ABCA7: variants seen among roughly 807,000 people sequenced by gnomAD.
ABCA7 encodes the protein phospholipid-transporting ATPase ABCA7.
ABCA7 carries 261 observed loss-of-function variants against 227.6 expected under a neutral mutation model. That is an observed-to-expected ratio of 1.15 (90% CI 1.04 to 1.27). The LOEUF (loss-of-function observed/expected upper bound fraction) is 1.27. ABCA7 is among the 50% of genes most tolerant of loss of function. The probability of loss-of-function intolerance (pLI) is 0.00; values close to 1 mark genes in which losing one functional copy is unlikely to be tolerated. For synonymous variants in ABCA7, 1,488 were observed against 1,279.7 expected (o/e 1.16, Z -3.47); for missense variants, 3,331 against 2,924.5 (o/e 1.14, Z -3.21).
intron 1 of ABCA7, among the ~76,000 whole-genome samples, 153 bp downstream of exon 1, chr19:1,040,349 A>C (rs2039892686): frequency 6.6e-6 from 1 of 152,134 alleles, no homozygotes; most frequent in Non-Finnish European, 1.5e-5. Context: ...CTGATTCTCA[A>C]GGGGGGCATC....
Position 1,049,331 on chromosome 19 carries a change from T to C in ABCA7, c.2446T>C (p.Phe816Leu). 2.5e-6 allele frequency: 4 copies of C among 1,611,608 alleles called. No homozygotes were observed. The highest frequency in any genetic ancestry group is 3.4e-6 in the Non-Finnish European group (4 of 1,179,246). ...CTCCGTTCGCAGCCTGGAGAAGCGC[T>C]TTCCTGGAAGCCCGCAGCCAGCCCT... ...GVSVRSLEKR[F>L]PGSPQPALRG... Residue 816 changes from phenylalanine (F) to leucine (L), a missense_variant, in exon 18 of 47, where the codon TTT becomes CTT. Physicochemically the swap from Phe to Leu is conservative, Grantham distance 22 (BLOSUM62 0). Coordinates refer to ENST00000263094, the MANE Select transcript of ABCA7 (RefSeq NM_019112.4).
chr19:1,050,808 AT>A (rs2041531413), intron 18 of ABCA7, 112 bp from the exon 19 acceptor site: 1 of 527,260 alleles, frequency 1.9e-6, no homozygotes. Flanking sequence ...AATAATAATA[AT>A]AATAATAATA....
At position 1,054,016 on chromosome 19, in the gene ABCA7, C is replaced by G. The variant is rs765988376; in HGVS notation, c.3483C>G (p.Cys1161Trp). 1 of 1,613,030 alleles carries G rather than the reference C, an allele frequency of 6.2e-7. No homozygotes were observed. The highest frequency in any genetic ancestry group is 1.3e-5 in the African/African-American group (1 of 74,928). ...AADTDMEDGS[C>W]GQHLCTGIAG... Reference sequence around the variant, plus strand: ...CTGATGGCCCTGCAGATGGCAGCTGCGGGCAGCACCTATGCACAGGCATTG... The same window carrying G: ...CTGATGGCCCTGCAGATGGCAGCTGGGGGCAGCACCTATGCACAGGCATTG... Residue 1161 changes from cysteine (C) to tryptophan (W), a missense_variant, in exon 26 of 47, where the codon TGC (cysteine) becomes TGG (tryptophan). Coordinates refer to ENST00000263094, the MANE Select transcript of ABCA7 (RefSeq NM_019112.4). This position sits in a 1 kb window ranked among gnomAD's most constrained non-coding sequence, Gnocchi z 4.8.
chr19:1,046,216 T>C lies in ABCA7; in HGVS notation c.1446-14T>C. The C allele has an allele frequency of 1.9e-6, 3 of 1,605,036 alleles. No individual in the cohort carries two copies. Among genetic ancestry groups the C allele is most frequent in the South Asian group, 1.1e-5 (1 of 90,996 alleles). On this transcript the variant is annotated splice_polypyrimidine_tract_variant and intron_variant, in intron 12 of 46. Coordinates refer to ENST00000263094, the MANE Select transcript of ABCA7 (RefSeq NM_019112.4). ...AGCCCTTCCCTACAACCGGCCACCA[T>C]GCCCCTCTCGCAGGTTTTGGGACCC...
At position 1,043,027 on chromosome 19, in the gene ABCA7, T is replaced by G; in HGVS notation, c.580-14T>G. ...TGGGATCATTGCCAGCTCCGTCTGG[T>G]AACCTCTCTCTAGCTCCTGGCGCTG... On this transcript the variant is annotated splice_polypyrimidine_tract_variant and intron_variant, in intron 7 of 46. Coordinates refer to ENST00000263094, the MANE Select transcript of ABCA7 (RefSeq NM_019112.4). The G allele has an allele frequency of 6.3e-7, 1 of 1,586,426 alleles. No homozygotes were observed. Among genetic ancestry groups the G allele is most frequent in the Non-Finnish European group, 8.6e-7 (1 of 1,161,732 alleles).
chr19:1,058,645 G>A lies in ABCA7; in HGVS notation c.5177G>A (p.Arg1726His), dbSNP rs139717076. 4.2e-5 allele frequency: 67 copies of A among 1,613,894 alleles called. No individual in the cohort carries two copies. The Middle Eastern group carries it at 6.6e-4, about 16-fold the overall frequency. The change falls in exon 38 of 47, where the codon CGC (arginine) becomes CAC (histidine). Residue 1726 changes from arginine (R) to histidine (H), a missense_variant. Physicochemically the swap from Arg to His is conservative, Grantham distance 29. Transcript: ENST00000263094. Reference protein sequence around the residue: ...LGDRQFQSPLRWEVVGKNLLA... With the variant: ...LGDRQFQSPLHWEVVGKNLLA... ...GACAGGCAGTTCCAGTCACCCCTGCGCTGGGAGGTGGTCGGCAAGAACCTC... is the reference window on the plus strand; with the variant it reads ...GACAGGCAGTTCCAGTCACCCCTGCACTGGGAGGTGGTCGGCAAGAACCTC...
intron 12 of ABCA7, 36 bp downstream of exon 12, chr19:1,045,267 G>A: frequency 6.6e-7 from 1 of 1,509,932 alleles, no homozygotes; most frequent in Non-Finnish European, 9.1e-7. Context: ...ATGAGGGACT[G>A]GGCGGGGCCA....
At position 1,043,844 on chromosome 19, in the gene ABCA7, G is replaced by A. The variant is rs750738976; in HGVS notation, c.1047+3G>A. On this transcript the variant is annotated splice_donor_region_variant and intron_variant, in intron 10 of 46. Coordinates refer to ENST00000263094, the MANE Select transcript of ABCA7 (RefSeq NM_019112.4). Reference sequence around the variant, plus strand: ...GTTCCAATGTGGCCATGCTGCAGGTGTGCGGGGGTGCTGGGGAGGTGGGAT... The same window carrying A: ...GTTCCAATGTGGCCATGCTGCAGGTATGCGGGGGTGCTGGGGAGGTGGGAT... 6.2e-7 allele frequency: 1 copy of A among 1,612,768 alleles called. No homozygotes were observed. The highest frequency in any genetic ancestry group is 8.5e-7 in the Non-Finnish European group (1 of 1,179,776).
chr19:1,048,531 C>T lies in ABCA7; in HGVS notation c.2270-364C>T, dbSNP rs577996234. On this transcript the variant is annotated intron_variant, in intron 16 of 46. Coordinates refer to ENST00000263094, the MANE Select transcript of ABCA7 (RefSeq NM_019112.4). ...AAAACAAAAAAAAAAAAAACAAGGCCGGGCACGGTGGCTCACGCCTGCTTT... is the reference window on the plus strand; with the variant it reads ...AAAACAAAAAAAAAAAAAACAAGGCTGGGCACGGTGGCTCACGCCTGCTTT... Among the ~76,000 whole-genome samples the T allele has an allele frequency of 6.4e-5, 8 of 125,686 alleles. No homozygotes were observed. The South Asian group carries it at 1.3e-3, about 20-fold the overall frequency. 82.5% of individuals were successfully genotyped at this position (125,686 alleles called of 152,430 possible). A position where few individuals can be genotyped will look rare whatever the true frequency, so the allele number is the denominator to read the frequency against.
chr19:1,052,027 G>C lies in ABCA7; in HGVS notation c.3048G>C (p.Leu1016Phe), dbSNP rs1425405626. ...DRVAVVAGGR[L>F]CCCGSPLFLR... ...TGGCCGTGGTGGCAGGTGGCCGCTT[G>C]TGCTGCTGTGGCTCCCCACTCTTCC... The change falls in exon 22 of 47, where the codon TTG becomes TTC. Residue 1016 changes from leucine to phenylalanine, a missense_variant. Leu to Phe is a conservative substitution (Grantham distance 22). Coordinates refer to ENST00000263094, the MANE Select transcript of ABCA7 (RefSeq NM_019112.4). 2 of 1,612,290 alleles carry C rather than the reference G, an allele frequency of 1.2e-6. No individual in the cohort carries two copies. The highest frequency in any genetic ancestry group is 1.7e-6 in the Non-Finnish European group (2 of 1,179,928).
At position 1,046,863 on chromosome 19, in the gene ABCA7, G is replaced by C. The variant is rs748191742; in HGVS notation, c.1684G>C (p.Val562Leu). 52 of 1,544,902 alleles carry C rather than the reference G, an allele frequency of 3.4e-5. No individual in the cohort carries two copies. Among genetic ancestry groups the C allele is most frequent in the Middle Eastern group, 1.7e-4 (1 of 5,986 alleles). ...CCTGACGCTGGCCTGGATCTACTCC[G>C]TGACACTGACAGTGAAGGCCGTGGT... The part of the protein sequence containing the change: ...LFLTLAWIYS[V>L]TLTVKAVVRE... Residue 562 changes from valine to leucine, a missense_variant, in exon 14 of 47, where the codon GTG becomes CTG. Transcript: ENST00000263094.
In ABCA7 at chr19:1,052,022, C is replaced by T. The variant is rs369124387; in HGVS notation, c.3043C>T (p.Arg1015Cys). 3.5e-5 allele frequency: 56 copies of T among 1,612,168 alleles called. No homozygotes were observed. Among genetic ancestry groups the T allele is most frequent in the African/African-American group, 2.9e-4 (22 of 75,012 alleles). The change falls in exon 22 of 47, where the codon CGC becomes TGC. Residue 1015 changes from arginine (R) to cysteine (C), a missense_variant. By Grantham distance (180) the Arg-to-Cys change is radical. Coordinates refer to ENST00000263094, the MANE Select transcript of ABCA7 (RefSeq NM_019112.4). ...GDRVAVVAGG[R>C]LCCCGSPLFL... ...CCGTGTGGCCGTGGTGGCAGGTGGC[C>T]GCTTGTGCTGCTGTGGCTCCCCACT... is the stretch of plus-strand genomic sequence containing the variant.
At chr19:1,055,849 A>G in intron 30 of ABCA7, 58 bp from the exon 31 acceptor site, 4 of 1,487,654 alleles carry the variant, frequency 2.7e-6, no homozygotes, top group South Asian at 1.3e-5. Flanking sequence ...CCCTCTCACC[A>G]TCTCTCTCTC....
Position 1,053,471 on chromosome 19 carries a change from C to T in ABCA7, c.3363C>T (p.Asp1121=). 1 of 1,594,956 alleles carries T rather than the reference C, an allele frequency of 6.3e-7. No homozygotes were observed. Among genetic ancestry groups the T allele is most frequent in the African/African-American group, 1.3e-5 (1 of 74,656 alleles). The part of the protein sequence containing the change: ...GSFATLFREL[D]TRLAELRLTG... ...TCGCCACACTCTTCCGAGAGCTAGA[C>T]ACGCGGCTGGCGGAGCTGAGGCTCA... is the stretch of plus-strand genomic sequence containing the variant. Residue 1121 remains aspartate, a synonymous_variant, in exon 24 of 47, where the codon GAC becomes GAT. Transcript: ENST00000263094.
In ABCA7 at chr19:1,047,263, C is replaced by G. The variant is rs556978394; in HGVS notation, c.1952C>G (p.Ser651Cys). 71 of 1,607,030 alleles carry G rather than the reference C, an allele frequency of 4.4e-5. No individual in the cohort carries two copies. The highest frequency in any genetic ancestry group is 5.5e-5 in the Non-Finnish European group (65 of 1,179,268). Residue 651 changes from serine to cysteine, a missense_variant, in exon 15 of 47, where the codon TCC becomes TGC. Transcript: ENST00000263094. ...AGCTTCCTGCTCAGCGCCTTCTTCTCCCGCGCCAACCTGGCTGCGGCCTGC... is the reference window on the plus strand; with the variant it reads ...AGCTTCCTGCTCAGCGCCTTCTTCTGCCGCGCCAACCTGGCTGCGGCCTGC... ...TQSFLLSAFF[S>C]RANLAAACGG...
chr19:1,065,030 C>T lies in ABCA7; in HGVS notation c.6144C>T (p.Arg2048=), dbSNP rs1027545976. 16 of 1,556,674 alleles carry T rather than the reference C, an allele frequency of 1.0e-5. No individual in the cohort carries two copies. Among genetic ancestry groups the T allele is most frequent in the Non-Finnish European group, 1.4e-5 (16 of 1,152,544 alleles). The change falls in exon 46 of 47, where the codon CGC becomes CGT. Residue 2048 remains arginine, a synonymous_variant. Coordinates refer to ENST00000263094, the MANE Select transcript of ABCA7 (RefSeq NM_019112.4). ...CCGAGTTCCCTGGGGCGGAGCTGCGCGAGGCACATGGAGGCCGCCTGCGCT... is the reference window on the plus strand; with the variant it reads ...CCGAGTTCCCTGGGGCGGAGCTGCGTGAGGCACATGGAGGCCGCCTGCGCT... ...VAAEFPGAEL[R]EAHGGRLRFQ...
rs755947266 is a variant in ABCA7 at position 1,047,142 on chromosome 19, C to T, written c.1846-15C>T. 5.0e-6 allele frequency: 8 copies of T among 1,592,804 alleles called. No homozygotes were observed. The highest frequency in any genetic ancestry group is 2.7e-5 in the African/African-American group (2 of 74,210). On this transcript the variant is annotated splice_polypyrimidine_tract_variant and intron_variant, in intron 14 of 46. Coordinates refer to ENST00000263094, the MANE Select transcript of ABCA7 (RefSeq NM_019112.4). ...ATCCAGGAGCTGCACCCTAAGCTCC[C>T]GTTGCCTCTCACAGCTGGGAGACAT...
Position 1,056,064 on chromosome 19 carries a change from A to G in ABCA7, c.4239-2A>G. ...CCCTTCCCTGCCTGCATGGCCCCAC[A>G]GATACGGAGGCTTCTCGCTGGGGGG... On this transcript the variant is annotated splice_acceptor_variant, in intron 31 of 46. Coordinates refer to ENST00000263094, the MANE Select transcript of ABCA7 (RefSeq NM_019112.4). LOFTEE classifies it high-confidence loss of function. This position sits in a 1 kb window ranked among gnomAD's most constrained non-coding sequence, Gnocchi z 4.3. 1.3e-6 allele frequency: 2 copies of G among 1,580,052 alleles called. No homozygotes were observed. The highest frequency in any genetic ancestry group is 1.7e-6 in the Non-Finnish European group (2 of 1,160,594).
In ABCA7 at chr19:1,052,031, T is replaced by G. The variant is rs781357854; in HGVS notation, c.3052T>G (p.Cys1018Gly). The G allele has an allele frequency of 6.2e-7, 1 of 1,612,314 alleles. No individual in the cohort carries two copies. Among genetic ancestry groups the G allele is most frequent in the South Asian group, 1.1e-5 (1 of 91,068 alleles). Residue 1018 changes from cysteine to glycine, a missense_variant, in exon 22 of 47, where the codon TGC becomes GGC. Transcript: ENST00000263094. ...VAVVAGGRLCCCGSPLFLRRH... is the reference protein window; with the variant it reads ...VAVVAGGRLCGCGSPLFLRRH... The stretch of plus-strand genomic sequence containing the variant: ...CGTGGTGGCAGGTGGCCGCTTGTGC[T>G]GCTGTGGCTCCCCACTCTTCCTGCG...
Sources: gnomAD v4.1 joint callset for allele counts (sites outside exome capture counted in the v4.1 genomes callset) on GRCh38, gnomAD v4.1.1 for gene constraint, Gnocchi (gnomAD v3.1) non-coding constraint, MANE v1.5 for transcripts, NCBI Gene and HGNC (gene_info 2026-07-23, HGNC 2026-07-21) for gene names.